Variants in SDHC observed in about 807,000 individuals in gnomAD.
SDHC encodes the protein succinate dehydrogenase cytochrome b560 subunit, mitochondrial.
A neutral mutation model predicts 22.6 loss-of-function variants in SDHC; 11 were observed. The ratio of observed to expected loss-of-function variants is 0.49; its 90% CI spans 0.31 to 0.81. SDHC has a LOEUF of 0.81. Among genes scored for constraint, SDHC ranks in the 30% least tolerant of loss-of-function variants. The pLI, the probability that SDHC is intolerant of heterozygous loss-of-function variation, is 0.05. For missense variants in SDHC, 160 were observed against 212.0 expected, an observed-to-expected ratio of 0.75 and a Z score of 1.52; for synonymous variants, 80 against 77.8, an observed-to-expected ratio of 1.03 and a Z score of -0.15.
In SDHC at chr1:161,323,635, C is replaced by T. The variant is rs1331533952; in HGVS notation, c.42C>T (p.Leu14=). 15 of 1,613,646 alleles carry T rather than the reference C, an allele frequency of 9.3e-6. No homozygotes were observed. Among genetic ancestry groups the T allele is most frequent in the Non-Finnish European group, 1.3e-5 (15 of 1,179,746 alleles). The change falls in exon 2 of 6, where the codon CTC becomes CTT. Residue 14 remains leucine, a synonymous_variant. Transcript: ENST00000367975. ...LLLRHVGRHC[L]RAHFSPQLCI... ...GCAGACACGTTGGTCGTCATTGCCT[C>T]CGAGCCCACTTTAGCCCTCAGCTCT...
At chr1:161,316,057 C>T (rs1292726758) in intron 1 of SDHC, among the ~76,000 whole-genome samples, 1 of 152,198 alleles carries the variant, frequency 6.6e-6, no homozygotes, top group Non-Finnish European at 1.5e-5. Flanking sequence ...CCACATGTCC[C>T]ATCTCCAGCC....
chr1:161,325,455 G>A (rs55955603), intron 2 of SDHC, among the ~76,000 whole-genome samples: 17,799 of 151,990 alleles, frequency 0.12, 1,421 homozygotes, highest in African/African-American at 0.22. Flanking sequence ...TGAGGTGGGC[G>A]GATTGCTTGA....
At chr1:161,324,005 A>T (rs77118316) in intron 2 of SDHC, among the ~76,000 whole-genome samples, 1 of 151,338 alleles carries the variant, frequency 6.6e-6, no homozygotes, top group Non-Finnish European at 1.5e-5. Flanking sequence ...CCTGGAGATT[A>T]TTTTTTTTTC....
At chr1:161,359,892 G>A (rs55839314) in intron 5 of SDHC, among the ~76,000 whole-genome samples, 22,982 of 151,938 alleles carry the variant, frequency 0.15, 2,753 homozygotes, top group African/African-American at 0.33. Flanking sequence ...GCCTACTACT[G>A]CTACCCAGTA....
At chr1:161,361,292 T>C (rs1443640283) in intron 5 of SDHC, among the ~76,000 whole-genome samples, 1 of 151,658 alleles carries the variant, frequency 6.6e-6, no homozygotes, top group African/African-American at 2.4e-5. Context: ...CACTTAGTAA[T>C]GGTAAATATT....
At chr1:161,316,814 C>T (rs1053262639) in intron 1 of SDHC, among the ~76,000 whole-genome samples, 4 of 151,982 alleles carry the variant, frequency 2.6e-5, no homozygotes, top group Non-Finnish European at 5.9e-5. Context: ...GCTGATTTAA[C>T]CTCAAAGGAA....
chr1:161,342,977 C>T (rs1300582551), intron 4 of SDHC, among the ~76,000 whole-genome samples: 2 of 152,308 alleles, frequency 1.3e-5, no homozygotes, highest in Non-Finnish European at 2.9e-5. Context: ...AAGTTTTATT[C>T]ATCACATCAG....
intron 3 of SDHC, among the ~76,000 whole-genome samples, chr1:161,335,267 CTG>C (rs1671431604): frequency 6.6e-6 from 1 of 152,126 alleles, no homozygotes; most frequent in Non-Finnish European, 1.5e-5. Context: ...ACTTTTGTCA[CTG>C]TTTAAGATGT....
intron 3 of SDHC, chr1:161,339,602 T>C: frequency 8.3e-7 from 1 of 1,206,910 alleles, no homozygotes; most frequent in Non-Finnish European, 1.1e-6. Flanking sequence ...GGGATCCTTC[T>C]CCATAAATCA....
At chr1:161,349,016 A>G (rs1672007288) in intron 4 of SDHC, among the ~76,000 whole-genome samples, 1 of 152,228 alleles carries the variant, frequency 6.6e-6, no homozygotes, top group Admixed American at 6.5e-5. Context: ...CATACAACAT[A>G]AAGCATGAGA....
At chr1:161,334,440 G>C (rs115751802) in intron 3 of SDHC, among the ~76,000 whole-genome samples, 2,884 of 152,056 alleles carry the variant, frequency 0.019, 95 homozygotes, top group African/African-American at 0.066. Context: ...GGGTCTCGCT[G>C]TGTTGCCCAG....
intron 4 of SDHC, among the ~76,000 whole-genome samples, chr1:161,352,833 C>T (rs58418155): frequency 0.12 from 17,811 of 151,938 alleles, 1,423 homozygotes; most frequent in African/African-American, 0.22. Context: ...AAAAATTAGC[C>T]GGGCGTGGTG....
intron 2 of SDHC, among the ~76,000 whole-genome samples, chr1:161,327,635 C>A (rs1190227882): frequency 6.6e-6 from 1 of 152,090 alleles, no homozygotes; most frequent in Non-Finnish European, 1.5e-5. Flanking sequence ...GATCTTGGCT[C>A]ACTGTAACCT....
intron 3 of SDHC, among the ~76,000 whole-genome samples, chr1:161,337,635 A>G (rs1671546982): frequency 6.6e-6 from 1 of 152,256 alleles, no homozygotes; most frequent in South Asian, 2.1e-4. Flanking sequence ...TTACCTTGTC[A>G]TTACTGGGCT....
chr1:161,344,235 A>G (rs904027017), intron 4 of SDHC, among the ~76,000 whole-genome samples: 20 of 152,166 alleles, frequency 1.3e-4, no homozygotes, highest in Admixed American at 2.6e-4. Context: ...GCTTGCAGTG[A>G]GCTGAGATTG....
intron 3 of SDHC, among the ~76,000 whole-genome samples, chr1:161,333,229 C>T (rs1671345568): frequency 6.6e-6 from 1 of 152,066 alleles, no homozygotes; most frequent in African/African-American, 2.4e-5. Context: ...GTTTTATTTA[C>T]CCATTTATAA....
chr1:161,339,479 G>A, intron 3 of SDHC: 1 of 717,326 alleles, frequency 1.4e-6, no homozygotes, highest in Non-Finnish European at 2.0e-6. Context: ...CACCATGCCA[G>A]CTCCAACTTT....
intron 5 of SDHC, among the ~76,000 whole-genome samples, chr1:161,359,731 T>C (rs76243812): frequency 1.3e-5 from 2 of 152,156 alleles, no homozygotes; most frequent in Non-Finnish European, 2.9e-5. Flanking sequence ...GTACTGGCTG[T>C]GAGTGTGGGA....
At chr1:161,329,262 G>A (rs1473807762) in intron 3 of SDHC, among the ~76,000 whole-genome samples, 1 of 152,054 alleles carries the variant, frequency 6.6e-6, no homozygotes, top group African/African-American at 2.4e-5. Flanking sequence ...TGCTTAACAT[G>A]TCTGAATGAT....
Sources: allele counts gnomAD v4.1 joint callset (sites outside exome capture counted in the v4.1 genomes callset), GRCh38; gene constraint gnomAD v4.1.1; transcripts MANE v1.5; gene names NCBI Gene and HGNC (gene_info 2026-07-23, HGNC 2026-07-21).